Variants in DMRT1 observed in about 807,000 individuals in gnomAD.
DMRT1 encodes doublesex- and mab-3-related transcription factor 1.
A neutral mutation model predicts 32.3 loss-of-function variants in DMRT1; 7 were observed. The observed-to-expected ratio is 0.22, with a 90% CI of 0.12 to 0.41. The LOEUF (loss-of-function observed/expected upper bound fraction) is 0.41, where lower values mean the gene tolerates loss of function less well. Ranked by LOEUF, DMRT1 falls within the 10% of genes least tolerant of loss-of-function variation. The pLI is 1.00. For synonymous variants in DMRT1, 278 were observed against 206.1 expected, an observed-to-expected ratio of 1.35 and a Z score of -2.99; for missense variants, 625 against 500.5, an observed-to-expected ratio of 1.25 and a Z score of -2.37.
chr9:960,688 G>C (rs1351573986), intron 4 of DMRT1, among the ~76,000 whole-genome samples: 2 of 152,214 alleles, frequency 1.3e-5, no homozygotes, highest in Non-Finnish European at 2.9e-5. Flanking sequence ...AGCTGGGCTT[G>C]GCCCAGCCTG....
intron 2 of DMRT1, among the ~76,000 whole-genome samples, chr9:890,945 G>C (rs995547688): frequency 3.3e-5 from 5 of 151,452 alleles, no homozygotes; most frequent in Admixed American, 6.6e-5. Context: ...GGTCAGGCTG[G>C]TCTCGAACTC....
At chr9:957,990 T>G (rs1476887683) in intron 4 of DMRT1, among the ~76,000 whole-genome samples, 1 of 152,132 alleles carries the variant, frequency 6.6e-6, no homozygotes, top group South Asian at 2.1e-4. Context: ...GCTTGGGGGA[T>G]AGAGCGAGAC....
In DMRT1 at chr9:933,506, G is replaced by T. The variant is rs1818791795; in HGVS notation, c.967+16599G>T. ...AATGGGTAACAAAGCTAGGAATGGA[G>T]CAGGGTGACCTTATCTCTCCTGACC... On this transcript the variant is annotated intron_variant, in intron 4 of 4. Coordinates refer to ENST00000382276, the MANE Select transcript of DMRT1 (RefSeq NM_021951.3). Among the ~76,000 whole-genome samples the T allele has an allele frequency of 2.6e-5, 4 of 152,322 alleles. No homozygotes were observed. The South Asian group carries it at 8.3e-4, about 32-fold the overall frequency.
chr9:875,718 C>T (rs1345936455), intron 2 of DMRT1, among the ~76,000 whole-genome samples: 1 of 152,018 alleles, frequency 6.6e-6, no homozygotes, highest in Admixed American at 6.5e-5. Flanking sequence ...TCTTTCAGTT[C>T]AGATTTGATT....
chr9:895,387 A>G (rs1376212256), intron 3 of DMRT1, among the ~76,000 whole-genome samples: 1 of 152,186 alleles, frequency 6.6e-6, no homozygotes, highest in Non-Finnish European at 1.5e-5. Flanking sequence ...AGTGAAAGAC[A>G]TTAGGATTCT....
chr9:852,292 A>G (rs1247342970), intron 2 of DMRT1, among the ~76,000 whole-genome samples: 1 of 75,780 alleles, frequency 1.3e-5, no homozygotes, highest in Admixed American at 1.2e-4. Flanking sequence ...TGGAGTATTC[A>G]GAAAAAAAAA....
At chr9:967,960 C>G (rs1819985528) in intron 4 of DMRT1, 25 bp from the exon 5 acceptor site, 1 of 1,611,676 alleles carries the variant, frequency 6.2e-7, no homozygotes, top group South Asian at 1.1e-5. Flanking sequence ...CCCTTTCTCT[C>G]TTTCTCTCTC....
At chr9:886,681 A>G (rs1361801248) in intron 2 of DMRT1, among the ~76,000 whole-genome samples, 1 of 152,048 alleles carries the variant, frequency 6.6e-6, no homozygotes, top group Non-Finnish European at 1.5e-5. Flanking sequence ...ATATATAAAT[A>G]TATACATATT....
At chr9:949,944 T>C (rs1819375080) in intron 4 of DMRT1, among the ~76,000 whole-genome samples, 2 of 152,200 alleles carry the variant, frequency 1.3e-5, no homozygotes, top group Admixed American at 6.5e-5. Flanking sequence ...ACATTGTCCT[T>C]ATTCATCTGT....
chr9:855,697 G>A (rs1815369386), intron 2 of DMRT1, among the ~76,000 whole-genome samples: 1 of 152,178 alleles, frequency 6.6e-6, no homozygotes, highest in African/African-American at 2.4e-5. Context: ...TTGGCTCACT[G>A]CTGCCTTGAC....
At chr9:888,284 T>G (rs140574274) in intron 2 of DMRT1, among the ~76,000 whole-genome samples, 1 of 149,836 alleles carries the variant, frequency 6.7e-6, no homozygotes, top group African/African-American at 2.5e-5. Flanking sequence ...AAGCCTAGCT[T>G]TTCAATACAA....
intron 2 of DMRT1, among the ~76,000 whole-genome samples, chr9:883,534 G>A (rs1816813335): frequency 6.6e-6 from 1 of 151,578 alleles, no homozygotes; most frequent in South Asian, 2.1e-4. Flanking sequence ...ACTCACACCT[G>A]TAATTCCAGC....
At chr9:900,640 A>G (rs34616195) in intron 3 of DMRT1, among the ~76,000 whole-genome samples, 7 of 152,100 alleles carry the variant, frequency 4.6e-5, no homozygotes, top group South Asian at 2.1e-4. Flanking sequence ...AAAAAAAACA[A>G]CAAAGACATA....
chr9:847,013 C>G lies in DMRT1; in HGVS notation c.408C>G (p.Pro136=). The G allele has an allele frequency of 6.2e-7, 1 of 1,614,178 alleles. No individual in the cohort carries two copies. The change falls in exon 2 of 5, where the codon CCC becomes CCG. Residue 136 remains proline (P), a synonymous_variant. Transcript: ENST00000382276. ...AGGAGGAATTGGGTATCAGCCACCC[C>G]ATCCCACTGCCCAGTGCGGCCGAGC... The part of the protein sequence containing the change: ...AQEEELGISH[P]IPLPSAAELL...
intron 4 of DMRT1, among the ~76,000 whole-genome samples, chr9:918,587 C>A (rs1439948802): frequency 6.6e-6 from 1 of 152,148 alleles, no homozygotes; most frequent in Non-Finnish European, 1.5e-5. Flanking sequence ...ATACCACCTA[C>A]AATTCCTTAT....
chr9:938,611 A>G (rs1233312771), intron 4 of DMRT1, among the ~76,000 whole-genome samples: 3 of 152,096 alleles, frequency 2.0e-5, no homozygotes, highest in Non-Finnish European at 4.4e-5. Flanking sequence ...ATATCCTGCA[A>G]CTTTGCTGAA....
chr9:848,391 C>G (rs1214682056), intron 2 of DMRT1, among the ~76,000 whole-genome samples: 1 of 151,940 alleles, frequency 6.6e-6, no homozygotes, highest in Non-Finnish European at 1.5e-5. Flanking sequence ...AGTTAAGCAC[C>G]AAAGAAAGCA....
intron 3 of DMRT1, among the ~76,000 whole-genome samples, chr9:912,401 T>G (rs563699290): frequency 6.6e-6 from 1 of 152,368 alleles, no homozygotes; most frequent in Non-Finnish European, 1.5e-5. Flanking sequence ...TTTACTGGAA[T>G]TCTTTTATAG....
At chr9:945,638 A>G (rs1477160562) in intron 4 of DMRT1, among the ~76,000 whole-genome samples, 2 of 152,144 alleles carry the variant, frequency 1.3e-5, no homozygotes, top group Admixed American at 6.5e-5. Context: ...TTCTCAATGT[A>G]TAGTTAAGAC....
Sources: gnomAD v4.1 joint callset for allele counts (sites outside exome capture counted in the v4.1 genomes callset) on GRCh38, gnomAD v4.1.1 for gene constraint, MANE v1.5 for transcripts, NCBI Gene and HGNC (gene_info 2026-07-23, HGNC 2026-07-21) for gene names.